Variants in ARSG observed in about 807,000 individuals in gnomAD.
The protein encoded by ARSG is arylsulfatase G.
In ARSG, 37 loss-of-function variants were observed where a neutral mutation model predicts 50.5. That is an observed-to-expected ratio of 0.73 (90% CI 0.56 to 0.96). The LOEUF is 0.96. Among genes scored for constraint, ARSG ranks in the 50% least tolerant of loss-of-function variants. The pLI, the probability that ARSG is intolerant of heterozygous loss-of-function variation, is 0.00. For missense variants in ARSG, 629 were observed against 675.3 expected, an observed-to-expected ratio of 0.93 and a Z score of 0.76; for synonymous variants, 225 against 254.6, an observed-to-expected ratio of 0.88 and a Z score of 1.11.
downstream of ARSG, among the ~76,000 whole-genome samples, chr17:68,424,899 G>A (rs2083057530): frequency 6.6e-6 from 1 of 152,142 alleles, no homozygotes; most frequent in African/African-American, 2.4e-5. Flanking sequence ...AAACAAATCA[G>A]TACTTCCATC....
At chr17:68,303,305 T>C (rs1171209994) in intron 1 of ARSG, among the ~76,000 whole-genome samples, 3 of 152,128 alleles carry the variant, frequency 2.0e-5, no homozygotes, top group Non-Finnish European at 4.4e-5. Context: ...TTTAATTTTT[T>C]TGTAGAGATC....
At chr17:68,419,615 T>G (rs2082626154) in intron 11 of ARSG, among the ~76,000 whole-genome samples, 1 of 152,132 alleles carries the variant, frequency 6.6e-6, no homozygotes, top group South Asian at 2.1e-4. Context: ...TCAATAAAGA[T>G]ACTTGAATGA....
chr17:68,293,358 A>G lies in ARSG; in HGVS notation c.-552+1790A>G, dbSNP rs1470149039. Among the ~76,000 whole-genome samples the G allele has an allele frequency of 2.0e-5, 3 of 152,150 alleles. No individual in the cohort carries two copies. In the East Asian group the frequency reaches 5.8e-4, roughly 29 times the overall value. On this transcript the variant is annotated intron_variant, in intron 1 of 11. Transcript: ENST00000621439. ...GAGTGACTCGAAGCAAGTCACATAA[A>G]ATCTCTGTACTTCAGTCTCTTGATT...
At chr17:68,322,659 A>T (rs1555771010) in intron 2 of ARSG, among the ~76,000 whole-genome samples, 1 of 152,054 alleles carries the variant, frequency 6.6e-6, no homozygotes, top group Admixed American at 6.6e-5. Context: ...AGAAATTAAG[A>T]TAGCTGTTCC....
intron 11 of ARSG, among the ~76,000 whole-genome samples, chr17:68,418,661 C>G (rs547876121): frequency 6.6e-6 from 1 of 152,220 alleles, no homozygotes; most frequent in African/African-American, 2.4e-5. Flanking sequence ...TGGCATCTGC[C>G]CTCATCATAT....
At chr17:68,447,678 T>C in the ARSG span, among the ~76,000 whole-genome samples, 7 of 152,254 alleles carry the variant, frequency 4.6e-5, no homozygotes, top group Non-Finnish European at 1.0e-4. Flanking sequence ...CTTGGCCCTT[T>C]CCTTCCTATA....
rs1050656631 is a variant in ARSG at position 68,399,390 on chromosome 17, C to T, written c.1213-1970C>T. Among the ~76,000 whole-genome samples, 1 of 152,096 alleles carries T rather than the reference C, an allele frequency of 6.6e-6. No individual in the cohort carries two copies. The highest frequency in any genetic ancestry group is 6.6e-5 in the Admixed American group (1 of 15,262). On this transcript the variant is annotated intron_variant, in intron 10 of 11. Coordinates refer to ENST00000621439, the MANE Select transcript of ARSG (RefSeq NM_001267727.2). This position sits in a 1 kb window ranked among gnomAD's most constrained non-coding sequence, Gnocchi z 4.6. ...GGGACTTAAGGTAAAGGAATGCTCTCGTGCTTAAAAAACAAAACAAGATAA... is the reference window on the plus strand; with the variant it reads ...GGGACTTAAGGTAAAGGAATGCTCTTGTGCTTAAAAAACAAAACAAGATAA...
At chr17:68,362,015 G>A (rs1039031837) in intron 6 of ARSG, among the ~76,000 whole-genome samples, 4 of 152,146 alleles carry the variant, frequency 2.6e-5, no homozygotes, top group Admixed American at 6.5e-5. Context: ...AGCCACCCCA[G>A]GGAGTGGTAT....
chr17:68,371,686 G>GA (rs1375031233), intron 8 of ARSG, among the ~76,000 whole-genome samples: 1 of 152,144 alleles, frequency 6.6e-6, no homozygotes, highest in Non-Finnish European at 1.5e-5. Context: ...AATGACATAC[G>GA]AAAAAGGATG....
upstream of ARSG, among the ~76,000 whole-genome samples, chr17:68,287,545 T>C (rs111461075): frequency 6.6e-6 from 1 of 152,214 alleles, no homozygotes; most frequent in Non-Finnish European, 1.5e-5. Context: ...CTCTGCTTTA[T>C]GTCTGAGCTA....
intron 1 of ARSG, among the ~76,000 whole-genome samples, chr17:68,281,186 T>G (rs534735402): frequency 1.3e-4 from 19 of 150,484 alleles, no homozygotes; most frequent in African/African-American, 4.6e-4. Context: ...ATTTGCAAAC[T>G]ATTCATCTGA....
At chr17:68,405,130 CTT>C (rs58178643) in intron 11 of ARSG, among the ~76,000 whole-genome samples, 112 of 92,974 alleles carry the variant, frequency 1.2e-3, no homozygotes, top group African/African-American at 4.0e-3. Flanking sequence ...CAGCTTTGGG[CTT>C]TTTTTTTTTT....
chr17:68,443,275 T>C, the ARSG span, among the ~76,000 whole-genome samples: 1 of 152,150 alleles, frequency 6.6e-6, no homozygotes, highest in Non-Finnish European at 1.5e-5. Context: ...CATGCTCAGC[T>C]AATTTTTGTA....
intron 2 of ARSG, among the ~76,000 whole-genome samples, chr17:68,343,199 C>T (rs938032141): frequency 6.6e-6 from 1 of 152,114 alleles, no homozygotes; most frequent in Admixed American, 6.6e-5. Flanking sequence ...TCCTGTCACC[C>T]AGGCTGGAGT....
Position 68,282,779 on chromosome 17 carries a change from T to TAAAAAAAAAAAAAAAAAAAAAAA in ARSG, c.-552+23374_-552+23375insAAAAAAAAAAAAAAAAAAAAAAA, listed in dbSNP as rs36155626. 2.6e-4 allele frequency among the ~76,000 whole-genome samples: 14 copies of TAAAAAAAAAAAAAAAAAAAAAAA among 53,400 alleles called. 1 individual carries two copies. The highest frequency in any genetic ancestry group is 4.6e-4 in the African/African-American group (5 of 10,788). The allele number at this position is 53,400 out of a possible 152,430, so 35.0% of individuals were successfully genotyped here. A position where few individuals can be genotyped will look rare whatever the true frequency, so the allele number is the denominator to read the frequency against. The stretch of plus-strand genomic sequence containing the variant: ...CAACATAGTGAAACCCCATCTCTAC[T>TAAAAAAAAAAAAAAAAAAAAAAA]AAAAAAAAAAAAAAAAAAAAAGGCC... On this transcript the variant is annotated intron_variant, in intron 1 of 11. Coordinates refer to the ARSG transcript ENST00000448504.
At chr17:68,297,637 T>A (rs965565135) in intron 1 of ARSG, among the ~76,000 whole-genome samples, 14 of 152,154 alleles carry the variant, frequency 9.2e-5, no homozygotes, top group South Asian at 4.1e-4. Context: ...ATTAAAAAAA[T>A]TTTTTTTCTA....
At chr17:68,379,731 A>C (rs1004139022) in intron 8 of ARSG, 1 of 736,994 alleles carries the variant, frequency 1.4e-6, no homozygotes, top group Non-Finnish European at 1.7e-6. Flanking sequence ...TAGGAATTCA[A>C]TATGCTGGAG....
At chr17:68,375,415 A>T (rs956613873) in intron 8 of ARSG, among the ~76,000 whole-genome samples, 4 of 152,220 alleles carry the variant, frequency 2.6e-5, no homozygotes, top group Admixed American at 6.5e-5. Context: ...AAGAATCAGA[A>T]GCACTCAGGA....
At chr17:68,313,435 T>C (rs1344027960) in intron 2 of ARSG, among the ~76,000 whole-genome samples, 1 of 152,138 alleles carries the variant, frequency 6.6e-6, no homozygotes, top group African/African-American at 2.4e-5. Context: ...TCTAGACTCC[T>C]ATCTCCGCCT....
Sources: gnomAD v4.1 joint callset for allele counts (sites outside exome capture counted in the v4.1 genomes callset) on GRCh38, gnomAD v4.1.1 for gene constraint, Gnocchi (gnomAD v3.1) non-coding constraint, MANE v1.5 for transcripts, NCBI Gene and HGNC (gene_info 2026-07-23, HGNC 2026-07-21) for gene names.